Variants in HECTD2 observed in about 807,000 individuals in gnomAD.
The protein encoded by HECTD2 is HECT domain E3 ubiquitin protein ligase 2, also known as probable E3 ubiquitin-protein ligase HECTD2.
Under a neutral mutation model 103.2 loss-of-function variants are expected in HECTD2, and 35 were observed. The observed-to-expected ratio is 0.34, with a 90% CI of 0.26 to 0.45. The LOEUF is 0.45. HECTD2 is among the 20% of genes least tolerant of loss of function. The probability of loss-of-function intolerance (pLI) is 1.00; values close to 1 mark genes in which losing one functional copy is unlikely to be tolerated. For synonymous variants in HECTD2, 281 were observed against 329.9 expected, an observed-to-expected ratio of 0.85 and a Z score of 1.61; for missense variants, 596 against 937.4, an observed-to-expected ratio of 0.64 and a Z score of 4.76.
At chr10:91,417,269 CTG>C (rs1677713446) in intron 1 of HECTD2, among the ~76,000 whole-genome samples, 3 of 152,016 alleles carry the variant, frequency 2.0e-5, no homozygotes, top group Admixed American at 2.0e-4. Flanking sequence ...TGGAGGATAT[CTG>C]TGTGACATTC....
intron 2 of HECTD2, among the ~76,000 whole-genome samples, chr10:91,452,937 G>T (rs1454130488): frequency 2.6e-5 from 4 of 151,970 alleles, no homozygotes; most frequent in Non-Finnish European, 4.4e-5. Context: ...TACTCTAAAA[G>T]AATAAAGGAG....
At chr10:91,416,379 AG>A (rs1310485491) in intron 1 of HECTD2, among the ~76,000 whole-genome samples, 1 of 152,242 alleles carries the variant, frequency 6.6e-6, no homozygotes, top group Non-Finnish European at 1.5e-5. Flanking sequence ...ACAATGTTCT[AG>A]TCAATGACAG....
chr10:91,470,237 C>T (rs771370146), intron 5 of HECTD2, among the ~76,000 whole-genome samples: 24 of 152,294 alleles, frequency 1.6e-4, no homozygotes, highest in Middle Eastern at 3.4e-3. Context: ...CTGCAGAACT[C>T]TCCACCCCAA....
chr10:91,450,707 A>G (rs192721509), intron 2 of HECTD2, among the ~76,000 whole-genome samples: 1,716 of 152,184 alleles, frequency 0.011, 39 homozygotes, highest in African/African-American at 0.039. Flanking sequence ...AAAAGTGGGC[A>G]AAGGATATGA....
At chr10:91,445,990 A>T (rs956891864) in intron 2 of HECTD2, among the ~76,000 whole-genome samples, 5 of 148,388 alleles carry the variant, frequency 3.4e-5, no homozygotes, top group African/African-American at 7.4e-5. Context: ...TGCTGCAGGA[A>T]TTTTTTTTTT....
intron 5 of HECTD2, among the ~76,000 whole-genome samples, chr10:91,465,307 T>C (rs948525220): frequency 3.9e-5 from 6 of 152,184 alleles, no homozygotes; most frequent in Non-Finnish European, 5.9e-5. Flanking sequence ...TGGTTTTTAA[T>C]AGATGTAGAT....
chr10:91,431,082 C>CA (rs1843843826), intron 2 of HECTD2, among the ~76,000 whole-genome samples: 1 of 151,422 alleles, frequency 6.6e-6, no homozygotes, highest in Non-Finnish European at 1.5e-5. Flanking sequence ...CTGGTGGTGA[C>CA]AAAATCCCTC....
chr10:91,431,297 C>G (rs1159334622), intron 2 of HECTD2, among the ~76,000 whole-genome samples: 2 of 151,962 alleles, frequency 1.3e-5, no homozygotes, highest in Non-Finnish European at 2.9e-5. Context: ...ACCTTTCTCT[C>G]TGGCTTCCCT....
At chr10:91,477,526 G>T (rs1845952181) in intron 5 of HECTD2, among the ~76,000 whole-genome samples, 1 of 152,168 alleles carries the variant, frequency 6.6e-6, no homozygotes, top group African/African-American at 2.4e-5. Flanking sequence ...TGTAAGCAGA[G>T]GAAGAGAAAG....
At chr10:91,465,373 C>T (rs1209470410) in intron 5 of HECTD2, among the ~76,000 whole-genome samples, 1 of 152,140 alleles carries the variant, frequency 6.6e-6, no homozygotes, top group Non-Finnish European at 1.5e-5. Context: ...AAAGGGCCTA[C>T]AGCAATAACA....
intron 7 of HECTD2, 107 bp from the exon 8 acceptor site, chr10:91,482,860 A>G (rs1846143391): frequency 2.0e-6 from 1 of 491,392 alleles, no homozygotes; most frequent in Non-Finnish European, 3.6e-6. Context: ...TTATTTTATA[A>G]TCTCAAATTT....
chr10:91,445,716 G>C (rs184466545), intron 2 of HECTD2, among the ~76,000 whole-genome samples: 4 of 152,244 alleles, frequency 2.6e-5, no homozygotes, highest in Admixed American at 2.6e-4. Context: ...GTTAGACAGT[G>C]GGTGCAGACT....
At chr10:91,412,431 A>G (rs1480131678) in intron 1 of HECTD2, among the ~76,000 whole-genome samples, 1 of 151,530 alleles carries the variant, frequency 6.6e-6, no homozygotes, top group East Asian at 1.9e-4. Flanking sequence ...GAAGAGGATA[A>G]GGATAAATAT....
intron 2 of HECTD2, among the ~76,000 whole-genome samples, chr10:91,436,276 T>C (rs1844113845): frequency 6.6e-6 from 1 of 151,966 alleles, no homozygotes; most frequent in South Asian, 2.1e-4. Flanking sequence ...AAATAAGATT[T>C]GTTAACCATA....
At chr10:91,475,537 A>G (rs1454759973) in intron 5 of HECTD2, among the ~76,000 whole-genome samples, 2 of 151,966 alleles carry the variant, frequency 1.3e-5, no homozygotes, top group African/African-American at 4.9e-5. Context: ...GATGACTTTA[A>G]TAAGAGTCTA....
intron 8 of HECTD2, chr10:91,484,144 A>C (rs1395944872): frequency 1.9e-6 from 1 of 534,024 alleles, no homozygotes; most frequent in Non-Finnish European, 3.3e-6. Flanking sequence ...GGAGACTAAC[A>C]TCTTTCACAT....
intron 20 of HECTD2, among the ~76,000 whole-genome samples, chr10:91,508,277 C>CTAAT (rs1847275403): frequency 7.4e-6 from 1 of 135,094 alleles, no homozygotes; most frequent in Admixed American, 7.3e-5. Flanking sequence ...CAAATGGGAT[C>CTAAT]TAATTAAACT....
At chr10:91,462,599 T>C in intron 5 of HECTD2, 1 of 1,044,750 alleles carries the variant, frequency 9.6e-7, no homozygotes. Flanking sequence ...TTTTCATTTG[T>C]AACAAGTTCC....
rs74149213 is a variant in HECTD2, at chr10:91,432,415, A to G, written c.268+7005A>G. ...TCACATGACTAGGTATGCCTGTCAA[A>G]TTGACTGTCCTTTTAAAAATAAGTG... is the stretch of plus-strand genomic sequence containing the variant. On this transcript the variant is annotated intron_variant, in intron 2 of 20. Coordinates refer to ENST00000298068, the MANE Select transcript of HECTD2 (RefSeq NM_182765.6). 5.4e-3 allele frequency among the ~76,000 whole-genome samples: 815 copies of G among 152,006 alleles called. 4 individuals carry two copies. The highest frequency in any genetic ancestry group is 0.019 in the African/African-American group (781 of 41,514).
Sources: allele counts gnomAD v4.1 joint callset (sites outside exome capture counted in the v4.1 genomes callset), GRCh38; gene constraint gnomAD v4.1.1; transcripts MANE v1.5; gene names NCBI Gene and HGNC (gene_info 2026-07-23, HGNC 2026-07-21).